ARAP2: variants seen among roughly 807,000 people sequenced by gnomAD.
ARAP2 encodes the protein arf-GAP with Rho-GAP domain, ANK repeat and PH domain-containing protein 2.
Under a neutral mutation model 194.5 loss-of-function variants are expected in ARAP2, and 148 were observed. The ratio of observed to expected loss-of-function variants is 0.76; its 90% CI spans 0.67 to 0.87. ARAP2 has a LOEUF of 0.87. Among genes scored for constraint, ARAP2 ranks in the 40% least tolerant of loss-of-function variants. The pLI, the probability that ARAP2 is intolerant of heterozygous loss-of-function variation, is 0.00. For synonymous variants in ARAP2, 695 were observed against 683.5 expected, an observed-to-expected ratio of 1.02 and a Z score of -0.26; for missense variants, 2,128 against 1,989.7, an observed-to-expected ratio of 1.07 and a Z score of -1.32.
intron 5 of ARAP2, among the ~76,000 whole-genome samples, chr4:36,020,740 G>A (rs1169736428): frequency 6.6e-6 from 1 of 152,218 alleles, no homozygotes; most frequent in African/African-American, 2.4e-5. Flanking sequence ...CTGCAGAGTG[G>A]GTGATGGAAA....
At chr4:36,244,561 G>C (rs1439833095), upstream of ARAP2, 1 of 151,532 alleles carries the variant, frequency 6.6e-6, no homozygotes, top group Non-Finnish European at 1.5e-5. Flanking sequence ...GGGGAAGCCG[G>C]AGCTCAACGG....
At chr4:36,030,508 TTTTG>T (rs1306960642) in intron 5 of ARAP2, among the ~76,000 whole-genome samples, 1 of 152,068 alleles carries the variant, frequency 6.6e-6, no homozygotes, top group African/African-American at 2.4e-5. Flanking sequence ...TGTTGGATTG[TTTTG>T]TTTTTCTTCT....
intron 9 of ARAP2, among the ~76,000 whole-genome samples, chr4:36,011,444 C>A (rs1474190667): frequency 6.6e-6 from 1 of 152,082 alleles, no homozygotes; most frequent in Non-Finnish European, 1.5e-5. Flanking sequence ...TATTAAGGCC[C>A]TGTAAATTCT....
chr4:36,146,510 T>C (rs112326720), intron 19 of ARAP2, among the ~76,000 whole-genome samples: 8 of 152,166 alleles, frequency 5.3e-5, no homozygotes, highest in African/African-American at 1.7e-4. Context: ...ACAGCTTCCT[T>C]GCAGAACTTG....
At chr4:36,189,538 A>G (rs560848056) in intron 7 of ARAP2, among the ~76,000 whole-genome samples, 2 of 152,222 alleles carry the variant, frequency 1.3e-5, no homozygotes, top group East Asian at 3.9e-4. Flanking sequence ...CTGCCCTTTA[A>G]CAAATCTCTC....
At chr4:36,016,128 C>T (rs1466068895) in intron 6 of ARAP2, among the ~76,000 whole-genome samples, 3 of 152,112 alleles carry the variant, frequency 2.0e-5, no homozygotes, top group East Asian at 3.8e-4. Context: ...AATGAATGAA[C>T]TGCAGGCATA....
chr4:36,074,309 T>C (rs1345153654), intron 31 of ARAP2, among the ~76,000 whole-genome samples: 1 of 152,164 alleles, frequency 6.6e-6, no homozygotes, highest in Non-Finnish European at 1.5e-5. Context: ...TTTTATCTAA[T>C]TGAATTCCAA....
chr4:36,136,784 T>C (rs926034324), intron 19 of ARAP2, among the ~76,000 whole-genome samples: 2 of 64,204 alleles, frequency 3.1e-5, no homozygotes, highest in Non-Finnish European at 5.7e-5. Flanking sequence ...ATCAAATATA[T>C]GTGTGTGTGT....
intron 9 of ARAP2, among the ~76,000 whole-genome samples, chr4:36,177,272 G>A (rs548484212): frequency 7.9e-5 from 12 of 152,140 alleles, no homozygotes; most frequent in African/African-American, 2.4e-4. Flanking sequence ...ATGTAGATGT[G>A]CGTGTATAGC....
chr4:36,045,150 T>G (rs1356879840), intron 5 of ARAP2, among the ~76,000 whole-genome samples: 1 of 152,134 alleles, frequency 6.6e-6, no homozygotes, highest in African/African-American at 2.4e-5. Flanking sequence ...TAAAAAACTA[T>G]AAACAAAACT....
chr4:36,144,753 T>C (rs1159599479), intron 19 of ARAP2, among the ~76,000 whole-genome samples: 1 of 151,790 alleles, frequency 6.6e-6, no homozygotes, highest in Admixed American at 6.6e-5. Context: ...TATATCGCAG[T>C]TAAACATTGA....
Position 36,128,576 on chromosome 4 carries a change from T to A in ARAP2, c.3597A>T (p.Ala1199=). Residue 1199 remains alanine (A), a synonymous_variant, in exon 21 of 33, where the codon GCA becomes GCT. Transcript: ENST00000303965. ...LKSFLSDIDD[A]LLTKELYPYW... ...ATGGGTAGAGCTCCTTAGTAAGCAG[T>A]GCATCATCAATGTCAGAGAGAAAAC... The A allele has an allele frequency of 2.5e-6, 4 of 1,612,896 alleles. No homozygotes were observed. Among genetic ancestry groups the A allele is most frequent in the Non-Finnish European group, 3.4e-6 (4 of 1,179,530 alleles).
chr4:36,084,767 G>A (rs941397892), intron 28 of ARAP2, among the ~76,000 whole-genome samples: 2 of 151,998 alleles, frequency 1.3e-5, no homozygotes, highest in Non-Finnish European at 2.9e-5. Context: ...CAGAAATAAT[G>A]CTGTGGTGAC....
intron 5 of ARAP2, among the ~76,000 whole-genome samples, chr4:36,041,579 G>T (rs1606026): frequency 0.73 from 111,579 of 152,082 alleles, 41,932 homozygotes; most frequent in Admixed American, 0.85. Context: ...TACACTGTTA[G>T]GGGAGTGTAA....
chr4:36,214,184 T>C (rs1201488556), intron 3 of ARAP2, among the ~76,000 whole-genome samples: 1 of 152,156 alleles, frequency 6.6e-6, no homozygotes, highest in Non-Finnish European at 1.5e-5. Context: ...TAAATGAAGC[T>C]TGTATAAAAA....
chr4:36,068,016 A>C lies in ARAP2; in HGVS notation c.5006T>G (p.Leu1669Trp). 6.2e-7 allele frequency: 1 copy of C among 1,614,210 alleles called. No individual in the cohort carries two copies. Among genetic ancestry groups the C allele is most frequent in the African/African-American group, 1.3e-5 (1 of 75,064 alleles). Residue 1669 changes from leucine to tryptophan, a missense_variant, in exon 33 of 33, where the codon TTG (leucine) becomes TGG (tryptophan). Leu to Trp is a moderately conservative substitution (Grantham distance 61). Coordinates refer to ENST00000303965, the MANE Select transcript of ARAP2 (RefSeq NM_015230.4). Reference sequence around the variant, plus strand: ...TGATGGTAACTTATGATCAGAGTCCAAAGTAGCTTTGCTATTCCTGTCCTC... The same window carrying C: ...TGATGGTAACTTATGATCAGAGTCCCAAGTAGCTTTGCTATTCCTGTCCTC... ...KTEDRNSKAT[L>W]DSDHKLPSRV...
At chr4:36,194,203 A>T (rs915052939) in intron 6 of ARAP2, among the ~76,000 whole-genome samples, 2 of 152,226 alleles carry the variant, frequency 1.3e-5, no homozygotes, top group Non-Finnish European at 2.9e-5. Flanking sequence ...TTTTTAAATG[A>T]TCATATGAAA....
intron 5 of ARAP2, among the ~76,000 whole-genome samples, chr4:36,035,387 C>A (rs914519790): frequency 1.3e-5 from 2 of 151,824 alleles, no homozygotes; most frequent in Admixed American, 1.3e-4. Flanking sequence ...GTATGTTGTA[C>A]CATTGTGTGA....
intron 26 of ARAP2, among the ~76,000 whole-genome samples, chr4:36,110,952 A>G (rs1278900546): frequency 1.3e-5 from 2 of 151,960 alleles, no homozygotes; most frequent in Non-Finnish European, 2.9e-5. Flanking sequence ...CTAATAATGC[A>G]TATGTTCCCT....
Sources: gnomAD v4.1 joint callset for allele counts (sites outside exome capture counted in the v4.1 genomes callset) on GRCh38, gnomAD v4.1.1 for gene constraint, MANE v1.5 for transcripts, NCBI Gene and HGNC (gene_info 2026-07-23, HGNC 2026-07-21) for gene names.